Variants in AMMECR1L observed in about 807,000 individuals in gnomAD.
The protein encoded by AMMECR1L is AMMECR1 like.
Under a neutral mutation model 36.8 loss-of-function variants are expected in AMMECR1L, and 4 were observed. That is an observed-to-expected ratio of 0.11 (90% CI 0.05 to 0.25). The LOEUF is 0.25. AMMECR1L is among the 10% of genes least tolerant of loss of function. The probability of loss-of-function intolerance (pLI) is 1.00; values close to 1 mark genes in which losing one functional copy is unlikely to be tolerated. For synonymous variants in AMMECR1L, 147 were observed against 148.0 expected, an observed-to-expected ratio of 0.99 and a Z score of 0.05; for missense variants, 232 against 392.1, an observed-to-expected ratio of 0.59 and a Z score of 3.45.
intron 3 of AMMECR1L, among the ~76,000 whole-genome samples, chr2:127,872,193 A>G (rs1691007316): frequency 1.5e-5 from 2 of 133,948 alleles, no homozygotes; most frequent in Non-Finnish European, 3.1e-5. Flanking sequence ...TCTCAAAAAG[A>G]AAAAAAAAAA....
rs112304293 is a variant in AMMECR1L at position 127,868,333 on chromosome 2, A to T, written c.724+1121T>A. 4.6e-3 allele frequency among the ~76,000 whole-genome samples: 695 copies of T among 152,312 alleles called. 7 individuals carry two copies. The highest frequency in any genetic ancestry group is 0.016 in the African/African-American group (649 of 41,566). Reference sequence around the variant, plus strand: ...TATTATTTACACCTCCCCATTACAAAACATGGTATGCCTCCTTGTACAGAG... The same window carrying T: ...TATTATTTACACCTCCCCATTACAATACATGGTATGCCTCCTTGTACAGAG... On this transcript the variant is annotated intron_variant, in intron 6 of 7. Coordinates refer to ENST00000272647, the MANE Select transcript of AMMECR1L (RefSeq NM_001199140.2).
chr2:127,869,584 A>C lies in AMMECR1L; in HGVS notation c.634-40T>G, dbSNP rs544086396. 9.0e-5 allele frequency: 134 copies of C among 1,481,118 alleles called. 1 individual carries two copies. The South Asian group carries it at 1.5e-3, about 16-fold the overall frequency. 91.7% of individuals were successfully genotyped at this position (1,481,118 alleles called of 1,614,324 possible). A position where few individuals can be genotyped will look rare whatever the true frequency, so the allele number is the denominator to read the frequency against. ...ACAACCAAGTAAATGGCATTTACTT[A>C]CTCTAATGGAACTTCAGTCCCCACA... is the stretch of plus-strand genomic sequence containing the variant. On this transcript the variant is annotated intron_variant, in intron 5 of 7. Transcript: ENST00000272647. This position sits in a 1 kb window ranked among gnomAD's most constrained non-coding sequence, Gnocchi z 4.7.
At chr2:127,883,483 G>A (rs550774663) in intron 2 of AMMECR1L, among the ~76,000 whole-genome samples, 2 of 152,170 alleles carry the variant, frequency 1.3e-5, no homozygotes, top group East Asian at 3.9e-4. Flanking sequence ...TGTTTTCTAT[G>A]TGACCTGTAG....
chr2:127,870,654 A>G (rs747367944), intron 5 of AMMECR1L, among the ~76,000 whole-genome samples, 160 bp downstream of exon 5: 5 of 152,202 alleles, frequency 3.3e-5, no homozygotes, highest in Non-Finnish European at 4.4e-5. Context: ...CTCCTGGTAT[A>G]GCAGCACCTC....
chr2:127,868,085 C>G (rs1054335980), intron 6 of AMMECR1L, among the ~76,000 whole-genome samples: 1 of 152,104 alleles, frequency 6.6e-6, no homozygotes, highest in African/African-American at 2.4e-5. Flanking sequence ...CCAGACTAGT[C>G]TTGAACTCCT....
chr2:127,878,344 C>A (rs950388546), intron 2 of AMMECR1L, among the ~76,000 whole-genome samples: 7 of 152,174 alleles, frequency 4.6e-5, no homozygotes, highest in African/African-American at 1.7e-4. Context: ...GGACCGCATT[C>A]CCAGAGAGCT....
In AMMECR1L at chr2:127,873,101, C is replaced by T. The variant is rs865962004; in HGVS notation, c.407+727G>A. 8 of 985,368 alleles carry T rather than the reference C, an allele frequency of 8.1e-6. No individual in the cohort carries two copies. The South Asian group carries it at 3.3e-4, about 41-fold the overall frequency. 61.0% of individuals were successfully genotyped at this position (985,368 alleles called of 1,614,324 possible). A position where few individuals can be genotyped will look rare whatever the true frequency, so the allele number is the denominator to read the frequency against. On this transcript the variant is annotated intron_variant, in intron 3 of 7. Transcript: ENST00000272647. This position sits in a 1 kb window ranked among gnomAD's most constrained non-coding sequence, Gnocchi z 5.2. ...AACTGAGGAATGAATAATCTCATATCAATGAACACTCCAAAAGCATACCCC... is the reference window on the plus strand; with the variant it reads ...AACTGAGGAATGAATAATCTCATATTAATGAACACTCCAAAAGCATACCCC...
In AMMECR1L at chr2:127,873,778, A is replaced by T. The variant is rs1412814711; in HGVS notation, c.407+50T>A. 1 of 1,611,528 alleles carries T rather than the reference A, an allele frequency of 6.2e-7. No individual in the cohort carries two copies. The highest frequency in any genetic ancestry group is 1.3e-5 in the African/African-American group (1 of 74,844). ...GACCCTCTCAAGAGAATCACCCCAG[A>T]AAGATGTCACCATGCCTTCCTCAGT... is the stretch of plus-strand genomic sequence containing the variant. On this transcript the variant is annotated intron_variant, in intron 3 of 7. Transcript: ENST00000272647. The surrounding 1 kb of genome is among the most constrained non-coding windows in gnomAD (Gnocchi z 5.2).
In AMMECR1L at chr2:127,864,324, C is replaced by G. The variant is rs1300449902; in HGVS notation, c.*770G>C. 2 of 152,740 alleles carry G rather than the reference C, an allele frequency of 1.3e-5. No homozygotes were observed. Among genetic ancestry groups the G allele is most frequent in the African/African-American group, 2.4e-5 (1 of 41,476 alleles). 9.5% of individuals were successfully genotyped at this position (152,740 alleles called of 1,614,324 possible). A position where few individuals can be genotyped will look rare whatever the true frequency, so the allele number is the denominator to read the frequency against. ...TGATGACATCAGGACCTCCTGTGGG[C>G]ATCTCCATTCCATTCCATTCCTCAG... is the stretch of plus-strand genomic sequence containing the variant. On this transcript the variant is annotated 3_prime_UTR_variant, in exon 8 of 8. Transcript: ENST00000272647.
chr2:127,885,221 G>A, intron 1 of AMMECR1L: 5 of 985,302 alleles, frequency 5.1e-6, no homozygotes, highest in Non-Finnish European at 6.0e-6. Context: ...GTGCGCGTGT[G>A]AAGAGTGTTA....
intron 2 of AMMECR1L, among the ~76,000 whole-genome samples, chr2:127,883,209 G>T (rs1691598135): frequency 6.6e-6 from 1 of 151,410 alleles, no homozygotes; most frequent in South Asian, 2.1e-4. Flanking sequence ...CGATTCTCCT[G>T]CCTCAGCCTC....
chr2:127,862,828 T>C lies in AMMECR1L; in HGVS notation c.*2266A>G, dbSNP rs1690523906. 6.6e-6 allele frequency: 1 copy of C among 152,304 alleles called. No individual in the cohort carries two copies. The allele number at this position is 152,304 out of a possible 1,614,324, so 9.4% of individuals were successfully genotyped here. Reference sequence around the variant, plus strand: ...ATTTCTCGGGTTTTAAAATTTTCTATTCATTTTCTTAAATGGCAGGTATCG... The same window carrying C: ...ATTTCTCGGGTTTTAAAATTTTCTACTCATTTTCTTAAATGGCAGGTATCG... On this transcript the variant is annotated 3_prime_UTR_variant, in exon 8 of 8. Transcript: ENST00000272647.
intron 2 of AMMECR1L, among the ~76,000 whole-genome samples, chr2:127,883,763 G>A (rs2104786765): frequency 6.6e-6 from 1 of 152,284 alleles, no homozygotes; most frequent in South Asian, 2.1e-4. Context: ...CTTCACTATT[G>A]CAAATTTAGG....
At chr2:127,885,090 G>C (rs1691694997) in intron 1 of AMMECR1L, 2 of 917,994 alleles carry the variant, frequency 2.2e-6, no homozygotes, top group Non-Finnish European at 2.6e-6. Flanking sequence ...CACAGCCTGG[G>C]AAAGAGAGGC....
chr2:127,881,861 T>A (rs537388006), intron 2 of AMMECR1L, among the ~76,000 whole-genome samples: 4 of 152,338 alleles, frequency 2.6e-5, no homozygotes, highest in African/African-American at 9.6e-5. Context: ...ACCTTGATGG[T>A]TTCCTTCTTT....
chr2:127,884,682 G>A (rs1312736908), intron 1 of AMMECR1L: 1 of 152,228 alleles, frequency 6.6e-6, no homozygotes, highest in African/African-American at 2.4e-5. Context: ...GCCGGTTTCA[G>A]AACACAAATA....
chr2:127,864,295 G>T lies in AMMECR1L; in HGVS notation c.*799C>A, dbSNP rs965933946. On this transcript the variant is annotated 3_prime_UTR_variant, in exon 8 of 8. Coordinates refer to ENST00000272647, the MANE Select transcript of AMMECR1L (RefSeq NM_001199140.2). ...GAGGTCTCTCCTCTCACACCTGCGTGCAGTGATGACATCAGGACCTCCTGT... is the reference window on the plus strand; with the variant it reads ...GAGGTCTCTCCTCTCACACCTGCGTTCAGTGATGACATCAGGACCTCCTGT... 3.3e-5 allele frequency: 5 copies of T among 152,716 alleles called. No homozygotes were observed. The highest frequency in any genetic ancestry group is 5.9e-5 in the Non-Finnish European group (4 of 68,076). The allele number at this position is 152,716 out of a possible 1,614,324, so 9.5% of individuals were successfully genotyped here.
At position 127,863,873 on chromosome 2, in the gene AMMECR1L, A is replaced by G; in HGVS notation, c.*1221T>C. 6.6e-6 allele frequency: 1 copy of G among 152,556 alleles called. No individual in the cohort carries two copies. Among genetic ancestry groups the G allele is most frequent in the East Asian group, 1.9e-4 (1 of 5,206 alleles). 9.5% of individuals were successfully genotyped at this position (152,556 alleles called of 1,614,324 possible). A position where few individuals can be genotyped will look rare whatever the true frequency, so the allele number is the denominator to read the frequency against. On this transcript the variant is annotated 3_prime_UTR_variant, in exon 8 of 8. Coordinates refer to ENST00000272647, the MANE Select transcript of AMMECR1L (RefSeq NM_001199140.2). The stretch of plus-strand genomic sequence containing the variant: ...GATTTGGAAATCAGCAACAATGGGA[A>G]AGGGAAATATGTCACATGAAAGTTT...
In AMMECR1L at chr2:127,862,511, T is replaced by G. The variant is rs912998663; in HGVS notation, c.*2583A>C. 2 of 153,592 alleles carry G rather than the reference T, an allele frequency of 1.3e-5. No individual in the cohort carries two copies. Among genetic ancestry groups the G allele is most frequent in the East Asian group, 3.9e-4 (2 of 5,192 alleles). The allele number at this position is 153,592 out of a possible 1,614,324, so 9.5% of individuals were successfully genotyped here. ...TCCTGAGAGCCACCTGCTACACACT[T>G]TCATGAGGCGACCGTGACCGTACAC... On this transcript the variant is annotated 3_prime_UTR_variant, in exon 8 of 8. Coordinates refer to ENST00000272647, the MANE Select transcript of AMMECR1L (RefSeq NM_001199140.2).
Sources: allele counts gnomAD v4.1 joint callset (sites outside exome capture counted in the v4.1 genomes callset), GRCh38; gene constraint gnomAD v4.1.1; non-coding constraint Gnocchi (gnomAD v3.1); transcripts MANE v1.5; gene names NCBI Gene and HGNC (gene_info 2026-07-23, HGNC 2026-07-21).